The following FBXL20 variants were observed in gnomAD, a reference collection of about 807,000 sequenced individuals.
FBXL20 encodes the protein F-box and leucine rich repeat protein 20, also known as F-box/LRR-repeat protein 20.
Under a neutral mutation model 64.0 loss-of-function variants are expected in FBXL20, and 11 were observed. The ratio of observed to expected loss-of-function variants is 0.17; its 90% confidence interval spans 0.11 to 0.28. FBXL20 has a LOEUF of 0.28. Ranked by LOEUF, FBXL20 falls within the 10% of genes least tolerant of loss-of-function variation. The pLI is 1.00. For missense variants in FBXL20, 303 were observed against 526.2 expected (o/e 0.58, Z 4.15); for synonymous variants, 184 against 189.0 (o/e 0.97, Z 0.22).
Position 39,261,243 on chromosome 17 carries a change from C to G in FBXL20, c.*217G>C, listed in dbSNP as rs2046742383. 1 of 465,946 alleles carries G rather than the reference C, an allele frequency of 2.1e-6. No homozygotes were observed. The highest frequency in any genetic ancestry group is 3.9e-6 in the Non-Finnish European group (1 of 257,698). 28.9% of individuals were successfully genotyped at this position (465,946 alleles called of 1,614,324 possible). On this transcript the variant is annotated 3_prime_UTR_variant, in exon 15 of 15. Coordinates refer to ENST00000264658, the MANE Select transcript of FBXL20 (RefSeq NM_032875.3). ...TTTACCAATCTACTTGATAAAAAAG[C>G]CATCACAAACTTCAGTCCCATGGTC...
intron 10 of FBXL20, among the ~76,000 whole-genome samples, chr17:39,272,715 AAAAAAAG>A (rs796531543): frequency 1.5e-3 from 225 of 147,964 alleles, no homozygotes; most frequent in South Asian, 9.3e-3. Context: ...AAAAAAAAAA[AAAAAAAG>A]AAAGAAAGAA....
chr17:39,268,894 C>A (rs777814186), intron 11 of FBXL20, 23 bp from the exon 12 acceptor site: 1 of 1,607,418 alleles, frequency 6.2e-7, no homozygotes, highest in Non-Finnish European at 8.5e-7. Context: ...AAAACAAACA[C>A]AAACATTACA....
At chr17:39,353,474 C>T (rs1304088927) in intron 1 of FBXL20, among the ~76,000 whole-genome samples, 2 of 151,660 alleles carry the variant, frequency 1.3e-5, no homozygotes, top group Admixed American at 6.6e-5. Flanking sequence ...TAAATCATAC[C>T]TTATCATAGG....
chr17:39,394,624 G>C (rs2048165869), intron 1 of FBXL20, among the ~76,000 whole-genome samples: 1 of 150,886 alleles, frequency 6.6e-6, no homozygotes, highest in African/African-American at 2.4e-5. Flanking sequence ...AAGTGCGCTG[G>C]CACGATCTCA....
intron 1 of FBXL20, among the ~76,000 whole-genome samples, chr17:39,354,635 T>C (rs2047718853): frequency 6.6e-6 from 1 of 152,224 alleles, no homozygotes; most frequent in African/African-American, 2.4e-5. Context: ...GGAAGTACTC[T>C]AATCCCTCCC....
chr17:39,399,272 G>A (rs1043745328), intron 1 of FBXL20, among the ~76,000 whole-genome samples: 1 of 152,200 alleles, frequency 6.6e-6, no homozygotes, highest in Non-Finnish European at 1.5e-5. Context: ...GAAGCAGACT[G>A]TAATCTTGAG....
At chr17:39,293,602 TC>T (rs1435259936) in intron 6 of FBXL20, among the ~76,000 whole-genome samples, 1 of 152,186 alleles carries the variant, frequency 6.6e-6, no homozygotes, top group Non-Finnish European at 1.5e-5. Context: ...CAAGGTGTAA[TC>T]TTTCTGGAGT....
chr17:39,308,351 T>C (rs2047201562), intron 2 of FBXL20, among the ~76,000 whole-genome samples: 1 of 151,816 alleles, frequency 6.6e-6, no homozygotes, highest in African/African-American at 2.4e-5. Context: ...AAAATTTAGC[T>C]GAGGATTGTG....
chr17:39,288,850 C>T (rs940894918), intron 6 of FBXL20, among the ~76,000 whole-genome samples: 34 of 151,904 alleles, frequency 2.2e-4, no homozygotes, highest in African/African-American at 7.0e-4. Context: ...CTGGGAGGCA[C>T]GTGCCGCCAC....
In FBXL20 at chr17:39,287,037, C is replaced by T. The variant is rs1482801012; in HGVS notation, c.399-1464G>A. ...AAGCAATTCTCTTGCCTCAGCCACC[C>T]AAGTAGCTGGGATTACAGGCGCCTG... is the stretch of plus-strand genomic sequence containing the variant. On this transcript the variant is annotated intron_variant, in intron 6 of 14. Transcript: ENST00000264658. Among the ~76,000 whole-genome samples the T allele has an allele frequency of 4.0e-5, 6 of 150,668 alleles. No individual in the cohort carries two copies. The Admixed American group carries it at 4.0e-4, about 10-fold the overall frequency.
chr17:39,301,185 AT>A, intron 3 of FBXL20, 110 bp from the exon 4 acceptor site: 2 of 884,142 alleles, frequency 2.3e-6, no homozygotes, highest in Non-Finnish European at 3.6e-6. Flanking sequence ...GGATCCAAAA[AT>A]TTATCAGGCC....
intron 1 of FBXL20, among the ~76,000 whole-genome samples, chr17:39,368,484 C>T (rs1313493632): frequency 6.6e-6 from 1 of 152,116 alleles, no homozygotes; most frequent in Non-Finnish European, 1.5e-5. Flanking sequence ...CTTAAGAGAC[C>T]TTTTCCTACC....
chr17:39,363,810 C>CAAAAAAAAAAAACAAAA (rs1567896910), intron 1 of FBXL20, among the ~76,000 whole-genome samples: 5 of 26,650 alleles, frequency 1.9e-4, no homozygotes, highest in South Asian at 9.2e-4. Flanking sequence ...GACTTTATCT[C>CAAAAAAAAAAAACAAAA]AAAAAAAAAA....
At chr17:39,383,484 T>TA (rs1195678721) in intron 1 of FBXL20, among the ~76,000 whole-genome samples, 7 of 151,646 alleles carry the variant, frequency 4.6e-5, no homozygotes, top group African/African-American at 1.7e-4. Context: ...CCTACAAGGA[T>TA]AATCACCAAG....
chr17:39,346,315 T>A (rs1301945639), intron 1 of FBXL20, among the ~76,000 whole-genome samples: 1 of 151,824 alleles, frequency 6.6e-6, no homozygotes, highest in Non-Finnish European at 1.5e-5. Flanking sequence ...CACTCCAGAC[T>A]GGGCGACAGA....
At chr17:39,360,845 A>G (rs2047787381) in intron 1 of FBXL20, among the ~76,000 whole-genome samples, 1 of 152,130 alleles carries the variant, frequency 6.6e-6, no homozygotes. Context: ...TCACATCCCC[A>G]AAACAATGCC....
chr17:39,292,843 T>G (rs1597780344), intron 6 of FBXL20, among the ~76,000 whole-genome samples: 1 of 150,998 alleles, frequency 6.6e-6, no homozygotes, highest in African/African-American at 2.4e-5. Context: ...CAGGCTGGAG[T>G]GCAATGGCGT....
At chr17:39,278,805 A>G (rs1342145196) in intron 9 of FBXL20, among the ~76,000 whole-genome samples, 1 of 146,692 alleles carries the variant, frequency 6.8e-6, no homozygotes. Flanking sequence ...TCGGCCTCCC[A>G]AAGTGTTGGG....
chr17:39,300,172 G>T (rs190412783), intron 4 of FBXL20, among the ~76,000 whole-genome samples: 17 of 152,240 alleles, frequency 1.1e-4, no homozygotes, highest in Admixed American at 3.9e-4. Flanking sequence ...TCCATGAAGG[G>T]TATAGAATTG....
Sources: gnomAD v4.1 joint callset for allele counts (sites outside exome capture counted in the v4.1 genomes callset) on GRCh38, gnomAD v4.1.1 for gene constraint, MANE v1.5 for transcripts, NCBI Gene and HGNC (gene_info 2026-07-23, HGNC 2026-07-21) for gene names.